PLAAT3: variants seen among roughly 807,000 people sequenced by gnomAD.
The protein encoded by PLAAT3 is Ca-independent phospholipase A1/2.
Under a neutral mutation model 16.7 loss-of-function variants are expected in PLAAT3, and 21 were observed. That is an observed-to-expected ratio of 1.26 (90% confidence interval 0.89 to 1.81). The LOEUF is 1.81. PLAAT3 is among the 40% of genes most tolerant of loss of function. PLAAT3 has a pLI of 0.00. For synonymous variants in PLAAT3, 76 were observed against 81.7 expected (o/e 0.93, Z 0.38); for missense variants, 219 against 213.7 (o/e 1.02, Z -0.16).
intron 3 of PLAAT3, among the ~76,000 whole-genome samples, chr11:63,597,247 G>A (rs146672906): frequency 0.016 from 2,480 of 152,196 alleles, 49 homozygotes; most frequent in African/African-American, 0.056. Context: ...CTGAAGGGCC[G>A]GGCGCGGTGG....
intron 3 of PLAAT3, among the ~76,000 whole-genome samples, chr11:63,591,139 T>C (rs1304738894): frequency 6.6e-6 from 1 of 152,112 alleles, no homozygotes. Flanking sequence ...CCCAGCACTT[T>C]GGGAGGCCAA....
At chr11:63,597,673 A>G (rs930725080) in intron 3 of PLAAT3, among the ~76,000 whole-genome samples, 1 of 152,192 alleles carries the variant, frequency 6.6e-6, no homozygotes, top group African/African-American at 2.4e-5. Context: ...TGCTCCTATG[A>G]GAATCTAATG....
chr11:63,585,917 A>G (rs1321699593), intron 4 of PLAAT3, among the ~76,000 whole-genome samples: 5 of 152,166 alleles, frequency 3.3e-5, no homozygotes, highest in Admixed American at 2.6e-4. Context: ...TTATTTAATT[A>G]CTCCAAATAG....
At chr11:63,606,578 G>A (rs1005616240) in intron 2 of PLAAT3, among the ~76,000 whole-genome samples, 1 of 152,168 alleles carries the variant, frequency 6.6e-6, no homozygotes. Context: ...GTGGGGGCAC[G>A]GGGTGCAATA....
intron 4 of PLAAT3, 23 bp downstream of exon 4, chr11:63,590,077 G>A (rs1938104503): frequency 6.2e-7 from 1 of 1,605,908 alleles, no homozygotes; most frequent in Non-Finnish European, 8.5e-7. Context: ...TCCTGGGGAA[G>A]GCGACACAGG....
chr11:63,607,201 G>T (rs981175475), intron 2 of PLAAT3, among the ~76,000 whole-genome samples: 1 of 152,184 alleles, frequency 6.6e-6, no homozygotes, highest in Non-Finnish European at 1.5e-5. Flanking sequence ...GAGTAGGCTG[G>T]GGGAGAACCA....
At chr11:63,586,248 C>T (rs1417026818) in intron 4 of PLAAT3, among the ~76,000 whole-genome samples, 1 of 152,180 alleles carries the variant, frequency 6.6e-6, no homozygotes. Flanking sequence ...ATTCTCCTGC[C>T]TCAGCCTCCT....
chr11:63,587,243 A>G (rs574901604), intron 4 of PLAAT3, among the ~76,000 whole-genome samples: 12 of 152,324 alleles, frequency 7.9e-5, no homozygotes, highest in Admixed American at 2.0e-4. Context: ...TACCTGGCAC[A>G]ATACATGAAA....
At chr11:63,606,957 C>G (rs922542522) in intron 2 of PLAAT3, among the ~76,000 whole-genome samples, 4 of 152,108 alleles carry the variant, frequency 2.6e-5, no homozygotes, top group African/African-American at 9.7e-5. Flanking sequence ...CTGGCTGCTC[C>G]GTTGAGAAGA....
upstream of PLAAT3, among the ~76,000 whole-genome samples, chr11:63,615,076 G>GTATA (rs1555047824): frequency 1.8e-3 from 58 of 31,700 alleles, 4 homozygotes; most frequent in Non-Finnish European, 3.6e-3. Flanking sequence ...GTGTATATAT[G>GTATA]TGTGTATATA....
upstream of PLAAT3, among the ~76,000 whole-genome samples, chr11:63,615,372 ATG>A (rs1370270038): frequency 3.3e-4 from 36 of 109,940 alleles, 10 homozygotes; most frequent in South Asian, 0.01. Flanking sequence ...GTGCATATAT[ATG>A]TGTGTATATA....
At chr11:63,609,419 T>C (rs1337243948) in intron 2 of PLAAT3, among the ~76,000 whole-genome samples, 2 of 152,246 alleles carry the variant, frequency 1.3e-5, no homozygotes, top group Non-Finnish European at 2.9e-5. Context: ...CTCTGTACTC[T>C]ATTGCTGTGT....
At chr11:63,615,525 C>G (rs2134442530), upstream of PLAAT3, among the ~76,000 whole-genome samples, 1 of 151,828 alleles carries the variant, frequency 6.6e-6, no homozygotes, top group East Asian at 1.9e-4. Flanking sequence ...GTCTTAAAAG[C>G]AGATGAAATT....
At chr11:63,611,223 T>G (rs1938685411) in intron 2 of PLAAT3, among the ~76,000 whole-genome samples, 1 of 152,162 alleles carries the variant, frequency 6.6e-6, no homozygotes, top group South Asian at 2.1e-4. Context: ...TCTACCACCT[T>G]GGCCTCTCGA....
intron 2 of PLAAT3, among the ~76,000 whole-genome samples, chr11:63,607,631 T>A (rs1380884952): frequency 6.6e-6 from 1 of 152,092 alleles, no homozygotes; most frequent in Admixed American, 6.6e-5. Context: ...GAAACTTGTA[T>A]GTGGTAGAGA....
At chr11:63,595,092 A>G (rs1006303203) in intron 3 of PLAAT3, among the ~76,000 whole-genome samples, 2 of 152,010 alleles carry the variant, frequency 1.3e-5, no homozygotes, top group Admixed American at 1.3e-4. Flanking sequence ...GGGGTTTGAG[A>G]CCAGCCTGGC....
chr11:63,598,686 G>A, intron 2 of PLAAT3: 1 of 518,326 alleles, frequency 1.9e-6, no homozygotes, highest in Non-Finnish European at 3.9e-6. Flanking sequence ...CACCAGTTAT[G>A]TGACTAGAGC....
upstream of PLAAT3, among the ~76,000 whole-genome samples, chr11:63,615,830 G>A (rs1324341600): frequency 6.6e-6 from 1 of 151,116 alleles, no homozygotes; most frequent in Non-Finnish European, 1.5e-5. Flanking sequence ...ACCGCGCCCA[G>A]CTAATTTTTG....
chr11:63,575,863 GTGGGAAAGAA>G (rs964785202), intron 4 of PLAAT3, among the ~76,000 whole-genome samples: 3 of 152,174 alleles, frequency 2.0e-5, no homozygotes, highest in Non-Finnish European at 4.4e-5. Flanking sequence ...ACCTCTGGAA[GTGGGAAAGAA>G]TGAGAGAGAG....
Sources: allele counts gnomAD v4.1 joint callset (sites outside exome capture counted in the v4.1 genomes callset), GRCh38; gene constraint gnomAD v4.1.1; transcripts MANE v1.5; gene names NCBI Gene and HGNC (gene_info 2026-07-23, HGNC 2026-07-21).